BLNK: variants seen among roughly 807,000 people sequenced by gnomAD.
BLNK encodes B cell linker.
A neutral mutation model predicts 73.5 loss-of-function variants in BLNK; 29 were observed. The observed-to-expected ratio is 0.39, with a 90% confidence interval of 0.29 to 0.54. The LOEUF (loss-of-function observed/expected upper bound fraction) is 0.54, where lower values mean the gene tolerates loss of function less well. BLNK is among the 20% of genes least tolerant of loss of function. BLNK has a pLI of 0.61. For missense variants in BLNK, 460 were observed against 562.8 expected (o/e 0.82, Z 1.85); for synonymous variants, 176 against 200.8 (o/e 0.88, Z 1.04).
rs2084074102 is a variant in BLNK, at chr10:96,216,705, A to G, written c.555T>C (p.Asn185=). 6.2e-7 allele frequency: 1 copy of G among 1,613,984 alleles called. No homozygotes were observed. The highest frequency in any genetic ancestry group is 1.7e-5 in the Admixed American group (1 of 59,998). ...CTGTGGGATGAATATAGTTTTCATC[A>G]TTATCTTCCACGGGGACCACATAAT... ...EADYVVPVED[N]DENYIHPTES... is the part of the protein sequence containing the mutation. Residue 185 remains asparagine, a synonymous_variant, in exon 7 of 17, where the codon AAT becomes AAC. Coordinates refer to ENST00000224337, the MANE Select transcript of BLNK (RefSeq NM_013314.4).
intron 2 of BLNK, among the ~76,000 whole-genome samples, chr10:96,245,119 T>G (rs933997032): frequency 6.6e-6 from 1 of 151,982 alleles, no homozygotes; most frequent in Non-Finnish European, 1.5e-5. Context: ...CTCTGTAAGA[T>G]GACCACCACC....
chr10:96,244,776 C>T (rs1902708), intron 2 of BLNK, among the ~76,000 whole-genome samples: 146,717 of 152,270 alleles, frequency 0.96, 70,700 homozygotes, highest in Middle Eastern at 1. Flanking sequence ...ATGTATGAAA[C>T]AGAGGCTGTT....
rs1842316129 is a variant in BLNK at position 96,227,438 on chromosome 10, G to A, written c.333C>T (p.Ala111=). The A allele has an allele frequency of 3.1e-6, 5 of 1,614,066 alleles. No homozygotes were observed. In the Admixed American group the frequency reaches 5.0e-5, roughly 16 times the overall value. ...TATACTCGCCTCTGGCGAAGGGCAGGGCTGGGTGAACCGGCCTGGTTTCCT... is the reference window on the plus strand; with the variant it reads ...TATACTCGCCTCTGGCGAAGGGCAGAGCTGGGTGAACCGGCCTGGTTTCCT... ...VEQETRPVHP[A]LPFARGEYID... The change falls in exon 5 of 17, where the codon GCC becomes GCT. Residue 111 remains alanine (A), a synonymous_variant. Coordinates refer to ENST00000224337, the MANE Select transcript of BLNK (RefSeq NM_013314.4).
intron 2 of BLNK, among the ~76,000 whole-genome samples, chr10:96,243,525 C>A (rs761906112): frequency 6.6e-6 from 1 of 151,996 alleles, no homozygotes; most frequent in Non-Finnish European, 1.5e-5. Context: ...CCAGCTTGGG[C>A]GACAGAGCGA....
At chr10:96,209,791 C>A (rs782015094) in intron 9 of BLNK, 47 bp downstream of exon 9, 7 of 1,609,770 alleles carry the variant, frequency 4.3e-6, no homozygotes, top group Non-Finnish European at 6.0e-6. Context: ...GTATCACCAT[C>A]CTCACTCCCC....
intron 1 of BLNK, among the ~76,000 whole-genome samples, chr10:96,260,833 A>T (rs1469548034): frequency 2.0e-5 from 3 of 152,058 alleles, no homozygotes; most frequent in African/African-American, 7.2e-5. Context: ...TTAAATAAAA[A>T]TTTTGAAGCA....
Position 96,189,526 on chromosome 10 carries a change from CT to C in BLNK, c.*2446del. The C allele has an allele frequency of 1.5e-6, 1 of 654,560 alleles. No individual in the cohort carries two copies. The highest frequency in any genetic ancestry group is 1.4e-5 in the South Asian group (1 of 72,444). 40.5% of individuals were successfully genotyped at this position (654,560 alleles called of 1,614,324 possible). A position where few individuals can be genotyped will look rare whatever the true frequency, so the allele number is the denominator to read the frequency against. Reference sequence around the variant, plus strand: ...TTAATGTCTTCTACAGAACTAGGCCCTTTTGGTGTTTTACGAGTTTTTTCCT... The same window carrying C: ...TTAATGTCTTCTACAGAACTAGGCCCTTTGGTGTTTTACGAGTTTTTTCCT... On this transcript the variant is annotated 3_prime_UTR_variant, in exon 17 of 17. Transcript: ENST00000224337.
chr10:96,195,253 A>G (rs2083436741), intron 16 of BLNK, among the ~76,000 whole-genome samples: 1 of 152,100 alleles, frequency 6.6e-6, no homozygotes, highest in Admixed American at 6.5e-5. Flanking sequence ...AAAGTATGGG[A>G]GGTTCTCAAA....
chr10:96,228,426 T>G (rs1842365861), intron 4 of BLNK, among the ~76,000 whole-genome samples: 1 of 152,150 alleles, frequency 6.6e-6, no homozygotes. Context: ...CCAGCTAATT[T>G]TTGTATTTTT....
chr10:96,242,834 G>A lies in BLNK; in HGVS notation c.114-50C>T. Reference sequence around the variant, plus strand: ...AAGGTCAGTGAGCAGAACAATGATGGTCAAAGCCGATGCTAGAAGCTGATA... The same window carrying A: ...AAGGTCAGTGAGCAGAACAATGATGATCAAAGCCGATGCTAGAAGCTGATA... On this transcript the variant is annotated intron_variant, in intron 2 of 16. Coordinates refer to ENST00000224337, the MANE Select transcript of BLNK (RefSeq NM_013314.4). 3 of 1,481,010 alleles carry A rather than the reference G, an allele frequency of 2.0e-6. No homozygotes were observed. In the South Asian group the frequency reaches 3.4e-5, roughly 17 times the overall value. The allele number at this position is 1,481,010 out of a possible 1,614,324, so 91.7% of individuals were successfully genotyped here. A position where few individuals can be genotyped will look rare whatever the true frequency, so the allele number is the denominator to read the frequency against.
chr10:96,247,939 T>G (rs1400589345), intron 1 of BLNK, among the ~76,000 whole-genome samples: 1 of 152,222 alleles, frequency 6.6e-6, no homozygotes, highest in Non-Finnish European at 1.5e-5. Flanking sequence ...CCATTCCTAC[T>G]CTGTGGAGTG....
At chr10:96,213,565 G>A (rs1279915018) in intron 8 of BLNK, among the ~76,000 whole-genome samples, 3 of 152,012 alleles carry the variant, frequency 2.0e-5, no homozygotes, top group Admixed American at 1.3e-4. Context: ...AGCAAGACCC[G>A]TGACATACAG....
chr10:96,199,442 C>T (rs2083567494), intron 15 of BLNK: 1 of 453,146 alleles, frequency 2.2e-6, no homozygotes, highest in South Asian at 1.6e-5. Flanking sequence ...GTTCACTCCT[C>T]AGTGGAGCTC....
intron 15 of BLNK, among the ~76,000 whole-genome samples, chr10:96,199,058 A>G (rs782758404): frequency 1.1e-4 from 17 of 152,214 alleles, no homozygotes; most frequent in Non-Finnish European, 2.5e-4. Flanking sequence ...ATTTTTCCTC[A>G]GAATCTACTA....
At chr10:96,258,481 T>G (rs1002151891) in intron 1 of BLNK, among the ~76,000 whole-genome samples, 1 of 152,198 alleles carries the variant, frequency 6.6e-6, no homozygotes, top group Non-Finnish European at 1.5e-5. Context: ...GGGAGGAAAT[T>G]AAATTCCAGG....
intron 1 of BLNK, among the ~76,000 whole-genome samples, chr10:96,263,073 G>A (rs1322856294): frequency 1.3e-5 from 2 of 152,212 alleles, no homozygotes; most frequent in Admixed American, 6.5e-5. Context: ...TCTGCACATT[G>A]TAGAAGCAGG....
chr10:96,240,725 G>A (rs1199790425), intron 3 of BLNK, among the ~76,000 whole-genome samples: 1 of 152,198 alleles, frequency 6.6e-6, no homozygotes, highest in Admixed American at 6.5e-5. Context: ...GGCCTTGTGT[G>A]TGGAGGTGAA....
At chr10:96,271,033 T>G (rs1844247001) in intron 1 of BLNK, among the ~76,000 whole-genome samples, 1 of 152,246 alleles carries the variant, frequency 6.6e-6, no homozygotes, top group East Asian at 1.9e-4. Context: ...TGCATTCAGA[T>G]TCTAAAAGTT....
intron 16 of BLNK, 63 bp downstream of exon 16, chr10:96,196,845 G>C (rs1042718588): frequency 2.7e-5 from 41 of 1,497,744 alleles, no homozygotes; most frequent in Middle Eastern, 1.7e-4. Context: ...ATCTAATACA[G>C]TATTTGATGT....
Sources: gnomAD v4.1 joint callset for allele counts (sites outside exome capture counted in the v4.1 genomes callset) on GRCh38, gnomAD v4.1.1 for gene constraint, MANE v1.5 for transcripts, NCBI Gene and HGNC (gene_info 2026-07-23, HGNC 2026-07-21) for gene names.